ANKMY1: variants seen among roughly 807,000 people sequenced by gnomAD.
The protein encoded by ANKMY1 is ankyrin repeat and MYND domain containing 1, also known as ankyrin repeat and MYND domain-containing protein 1.
ANKMY1 carries 98 observed loss-of-function variants against 102.0 expected under a neutral mutation model. That is an observed-to-expected ratio of 0.96 (90% CI 0.82 to 1.14). The LOEUF is 1.14. Ranked by LOEUF, ANKMY1 falls within the 50% of genes most tolerant of loss-of-function variation. The pLI is 0.00. For missense variants in ANKMY1, 1,330 were observed against 1,347.6 expected, an observed-to-expected ratio of 0.99 and a Z score of 0.20; for synonymous variants, 582 against 559.9, an observed-to-expected ratio of 1.04 and a Z score of -0.56.
At chr2:240,489,111 T>G (rs2076363769) in intron 15 of ANKMY1, among the ~76,000 whole-genome samples, 1 of 152,174 alleles carries the variant, frequency 6.6e-6, no homozygotes, top group Non-Finnish European at 1.5e-5. Context: ...GCTTGTCATA[T>G]ATAGCCTTTA....
At chr2:240,528,111 AC>A (rs2084305275) in intron 5 of ANKMY1, among the ~76,000 whole-genome samples, 1 of 151,996 alleles carries the variant, frequency 6.6e-6, no homozygotes, top group Non-Finnish European at 1.5e-5. Context: ...ATATGGTGAA[AC>A]CCCGTCTCTA....
intron 9 of ANKMY1, among the ~76,000 whole-genome samples, chr2:240,517,983 G>A (rs1400848346): frequency 6.6e-6 from 1 of 151,880 alleles, no homozygotes; most frequent in Non-Finnish European, 1.5e-5. Flanking sequence ...TTTGATTCTT[G>A]GGAAGCCGCA....
the ANKMY1 span, among the ~76,000 whole-genome samples, chr2:240,469,184 A>G: frequency 1.3e-5 from 2 of 152,220 alleles, no homozygotes; most frequent in African/African-American, 4.8e-5. Context: ...CAAGACTTCC[A>G]CAAGCCCTTT....
At chr2:240,545,028 G>A (rs1380396659) in intron 4 of ANKMY1, among the ~76,000 whole-genome samples, 2 of 152,220 alleles carry the variant, frequency 1.3e-5, no homozygotes, top group Non-Finnish European at 2.9e-5. Flanking sequence ...AGGCCTGCCT[G>A]CCTCTGTAGG....
upstream of ANKMY1, chr2:240,558,586 C>G (rs959631860): frequency 1.8e-4 from 27 of 152,280 alleles, no homozygotes; most frequent in African/African-American, 6.0e-4. Flanking sequence ...CTGGGATGTA[C>G]AGAGGCACCA....
At chr2:240,550,945 G>A (rs2091408344) in intron 4 of ANKMY1, among the ~76,000 whole-genome samples, 1 of 152,108 alleles carries the variant, frequency 6.6e-6, no homozygotes, top group South Asian at 2.1e-4. Context: ...TACCGTCCAG[G>A]GCTTGCTTCT....
chr2:240,502,259 C>T (rs2078324667), intron 13 of ANKMY1, among the ~76,000 whole-genome samples: 3 of 151,408 alleles, frequency 2.0e-5, no homozygotes, highest in African/African-American at 7.3e-5. Flanking sequence ...TCTGCCAGGG[C>T]AGTGATGCAG....
chr2:240,504,474 C>T (rs536223526), intron 13 of ANKMY1, among the ~76,000 whole-genome samples: 161 of 152,062 alleles, frequency 1.1e-3, no homozygotes, highest in Non-Finnish European at 1.9e-3. Flanking sequence ...ACAAGCTGGA[C>T]TTCATGAAAA....
At chr2:240,511,442 C>T (rs951196065) in intron 11 of ANKMY1, among the ~76,000 whole-genome samples, 19 of 152,292 alleles carry the variant, frequency 1.2e-4, no homozygotes, top group African/African-American at 4.6e-4. Flanking sequence ...AGGAATTAAC[C>T]CTCGAGGCAG....
At chr2:240,509,226 T>C (rs2079650245) in intron 12 of ANKMY1, 122 bp downstream of exon 12, 1 of 699,542 alleles carries the variant, frequency 1.4e-6, no homozygotes, top group Admixed American at 3.4e-5. Flanking sequence ...GATGGATGAA[T>C]GGATGGATGG....
intron 1 of ANKMY1, 89 bp from the exon 2 acceptor site, chr2:240,557,441 G>A (rs1487703261): frequency 7.2e-7 from 1 of 1,386,402 alleles, no homozygotes; most frequent in Admixed American, 2.9e-5. Flanking sequence ...CGGCCCCTGA[G>A]CCTCAGAGAA....
At chr2:240,491,883 G>A (rs2076694743) in intron 15 of ANKMY1, among the ~76,000 whole-genome samples, 1 of 152,064 alleles carries the variant, frequency 6.6e-6, no homozygotes. Flanking sequence ...GTGCCATGCA[G>A]AAGATCTTTT....
At chr2:240,514,808 C>T (rs183646748) in intron 9 of ANKMY1, among the ~76,000 whole-genome samples, 17 of 152,342 alleles carry the variant, frequency 1.1e-4, no homozygotes, top group Admixed American at 5.9e-4. Flanking sequence ...GAGGCAACCC[C>T]GAGAGTCCCA....
Position 240,524,088 on chromosome 2 carries a change from TC to T in ANKMY1, c.1628del (p.Gly543GlufsTer43). On this transcript the variant is annotated frameshift_variant, in exon 8 of 18. Transcript: ENST00000401804. LOFTEE classifies it high-confidence loss of function. ...TGCACAGACTGCCCCGGTCTGTGTTTCCCAACACGTCCTCAAGCCCGCTTTC... is the reference window on the plus strand; with the variant it reads ...TGCACAGACTGCCCCGGTCTGTGTTTCCAACACGTCCTCAAGCCCGCTTTC... The part of the protein sequence containing the change: ...HVESGLEDVL[G>X]NTDRGSLCSA... The T allele has an allele frequency of 6.2e-7, 1 of 1,614,088 alleles. No individual in the cohort carries two copies. The highest frequency in any genetic ancestry group is 8.5e-7 in the Non-Finnish European group (1 of 1,180,046).
At chr2:240,478,550 G>A (rs544423503), downstream of ANKMY1, among the ~76,000 whole-genome samples, 13 of 152,156 alleles carry the variant, frequency 8.5e-5, no homozygotes, top group South Asian at 1.9e-3. Flanking sequence ...GTGACCAGCC[G>A]ATGCAGGGGT....
At chr2:240,526,198 C>T (rs369244049) in intron 6 of ANKMY1, 31 bp downstream of exon 6, 56 of 1,612,586 alleles carry the variant, frequency 3.5e-5, no homozygotes, top group Admixed American at 2.2e-4. Flanking sequence ...TAAGCTCCTG[C>T]GGGCACCAGC....
chr2:240,502,917 G>A (rs904741050), intron 13 of ANKMY1, among the ~76,000 whole-genome samples: 4 of 141,912 alleles, frequency 2.8e-5, no homozygotes, highest in Admixed American at 7.1e-5. Flanking sequence ...CAATGACCCC[G>A]TTCCCCTGCT....
chr2:240,539,573 A>G lies in ANKMY1; in HGVS notation c.481-10064T>C, dbSNP rs4676429. Among the ~76,000 whole-genome samples the G allele has an allele frequency of 6.5e-3, 997 of 152,346 alleles. 13 individuals are homozygous for G. The highest frequency in any genetic ancestry group is 0.03 in the East Asian group (153 of 5,182). On this transcript the variant is annotated intron_variant, in intron 4 of 17. Transcript: ENST00000401804. ...AGAACCCACCAATTCCGGACACAAT[A>G]GGATTATTCATAATTGCCAAACACT...
Position 240,499,927 on chromosome 2 carries a change from G to A in ANKMY1, c.2806+31C>T. 8.2e-6 allele frequency: 13 copies of A among 1,585,442 alleles called. No individual in the cohort carries two copies. Among genetic ancestry groups the A allele is most frequent in the Non-Finnish European group, 1.1e-5 (13 of 1,160,272 alleles). Reference sequence around the variant, plus strand: ...GCACGAGGCCGGAACGCCGCCCTGTGGAGCAGAGCAGAGCAGGGCCCACTG... The same window carrying A: ...GCACGAGGCCGGAACGCCGCCCTGTAGAGCAGAGCAGAGCAGGGCCCACTG... On this transcript the variant is annotated intron_variant, in intron 15 of 17. Coordinates refer to ENST00000401804, the MANE Select transcript of ANKMY1 (RefSeq NM_001282771.3). This position sits in a 1 kb window ranked among gnomAD's most constrained non-coding sequence, Gnocchi z 4.2.
Sources: gnomAD v4.1 joint callset for allele counts (sites outside exome capture counted in the v4.1 genomes callset) on GRCh38, gnomAD v4.1.1 for gene constraint, Gnocchi (gnomAD v3.1) non-coding constraint, MANE v1.5 for transcripts, NCBI Gene and HGNC (gene_info 2026-07-23, HGNC 2026-07-21) for gene names.